Variants in GLB1L observed in about 807,000 individuals in gnomAD.
The protein encoded by GLB1L is galactosidase beta 1 like, also known as beta-galactosidase-1-like protein.
Under a neutral mutation model 75.7 loss-of-function variants are expected in GLB1L, and 58 were observed. That is an observed-to-expected ratio of 0.77 (90% CI 0.62 to 0.95). The LOEUF (loss-of-function observed/expected upper bound fraction) is 0.95, where lower values mean the gene tolerates loss of function less well. Ranked by LOEUF, GLB1L falls within the 40% of genes least tolerant of loss-of-function variation. The pLI, the probability that GLB1L is intolerant of heterozygous loss-of-function variation, is 0.00. For synonymous variants in GLB1L, 296 were observed against 303.0 expected (o/e 0.98, Z 0.24); for missense variants, 797 against 805.5 (o/e 0.99, Z 0.13).
chr2:219,242,860 G>T lies in GLB1L; in HGVS notation c.298C>A (p.Arg100=). 1 of 1,614,176 alleles carries T rather than the reference G, an allele frequency of 6.2e-7. No individual in the cohort carries two copies. Among genetic ancestry groups the T allele is most frequent in the Non-Finnish European group, 8.5e-7 (1 of 1,180,028 alleles). The part of the protein sequence containing the change: ...QPGVYNFNGS[R]DLIAFLNEAA... ...TCATTCAGAAAGGCAATGAGGTCCC[G>T]GCTGCCATTAAAGTTATAGACCCCA... Residue 100 remains arginine (R), a synonymous_variant, in exon 4 of 17, where the codon CGG becomes AGG. Transcript: ENST00000295759.
chr2:219,239,846 G>A lies in GLB1L; in HGVS notation c.722-13C>T, dbSNP rs985912258. On this transcript the variant is annotated splice_polypyrimidine_tract_variant and intron_variant, in intron 7 of 16. Coordinates refer to ENST00000295759, the MANE Select transcript of GLB1L (RefSeq NM_001286423.2). ...GTCATGTTGTCAGCTGCGGAAAGGA[G>A]GCAAAAGAAAAAGATAAATGTCGTG... 3.7e-6 allele frequency: 6 copies of A among 1,614,038 alleles called. No individual in the cohort carries two copies. Among genetic ancestry groups the A allele is most frequent in the Non-Finnish European group, 5.1e-6 (6 of 1,180,046 alleles).
rs111835851 is a variant in GLB1L, at chr2:219,240,803, G to A, written c.452-518C>T. ...AGACTAAAATATAGAGGGGATGGCC[G>A]GGTGTGGTGGCTCACGCCTGTAATC... is the stretch of plus-strand genomic sequence containing the variant. On this transcript the variant is annotated intron_variant, in intron 5 of 16. Coordinates refer to ENST00000295759, the MANE Select transcript of GLB1L (RefSeq NM_001286423.2). 5.4e-3 allele frequency among the ~76,000 whole-genome samples: 827 copies of A among 151,882 alleles called. 11 individuals are homozygous for A. The highest frequency in any genetic ancestry group is 0.019 in the African/African-American group (771 of 41,250).
intron 5 of GLB1L, among the ~76,000 whole-genome samples, chr2:219,241,837 A>C (rs1951401784): frequency 6.6e-6 from 1 of 152,128 alleles, no homozygotes; most frequent in Non-Finnish European, 1.5e-5. Flanking sequence ...CTCTACTGAG[A>C]ACAGATTGTA....
At chr2:219,243,406 T>A in intron 2 of GLB1L, 92 bp from the exon 3 acceptor site, 3 of 1,594,156 alleles carry the variant, frequency 1.9e-6, no homozygotes. Flanking sequence ...GAACTAGCCC[T>A]GCGGGTTGTT....
At chr2:219,241,459 T>TAC (rs1951391520) in intron 5 of GLB1L, among the ~76,000 whole-genome samples, 1 of 140,280 alleles carries the variant, frequency 7.1e-6, no homozygotes, top group Non-Finnish European at 1.5e-5. Flanking sequence ...TATATATATA[T>TAC]ATATATACAT....
At chr2:219,242,988 G>T in intron 3 of GLB1L, 70 bp from the exon 4 acceptor site, 1 of 1,593,810 alleles carries the variant, frequency 6.3e-7, no homozygotes, top group South Asian at 1.1e-5. Context: ...CTCAGGCCTT[G>T]CAGGGAATCT....
At chr2:219,237,982 G>A in intron 14 of GLB1L, 25 bp from the exon 15 acceptor site, 1 of 1,612,674 alleles carries the variant, frequency 6.2e-7, no homozygotes, top group Non-Finnish European at 8.5e-7. Flanking sequence ...TAGGATAGGA[G>A]CAAGGCTCAG....
chr2:219,243,738 T>A, intron 1 of GLB1L, 95 bp from the exon 2 acceptor site: 1 of 632,906 alleles, frequency 1.6e-6, no homozygotes, highest in Non-Finnish European at 2.8e-6. Context: ...CTCTACTAGT[T>A]TGTAAAATTT....
chr2:219,238,325 A>G lies in GLB1L; in HGVS notation c.1266T>C (p.His422=), dbSNP rs913416598. ...GFMLYRTYMT[H]TIFEPTPFWV... ...AGAATGGTGTTGGCTCAAAAATGGT[A>G]TGGGTCATATAGGTTCGGTACAACA... is the stretch of plus-strand genomic sequence containing the variant. Residue 422 remains histidine, a synonymous_variant, in exon 14 of 17, where the codon CAT becomes CAC. Transcript: ENST00000295759. 8.1e-6 allele frequency: 13 copies of G among 1,612,870 alleles called. No homozygotes were observed. Among genetic ancestry groups the G allele is most frequent in the Non-Finnish European group, 1.1e-5 (13 of 1,179,308 alleles).
chr2:219,237,145 T>G lies in GLB1L; in HGVS notation c.1892A>C (p.His631Pro), dbSNP rs1951267381. The change falls in exon 17 of 17, where the codon CAC (histidine) becomes CCC (proline). Residue 631 changes from histidine to proline, a missense_variant. Physicochemically the swap from His to Pro is moderately conservative, Grantham distance 77. Transcript: ENST00000295759. ...TGAAAGGGAATTGATATGTGTCCTG[T>G]GCAAAGTACTAGTGCTATTGAGGAT... ...KPILNSTSTL[H>P]RTHINSLSAD... 6.2e-7 allele frequency: 1 copy of G among 1,614,136 alleles called. No individual in the cohort carries two copies. The highest frequency in any genetic ancestry group is 8.5e-7 in the Non-Finnish European group (1 of 1,179,984).
Position 219,242,592 on chromosome 2 carries a change from A to C in GLB1L, c.391-18T>G. On this transcript the variant is annotated intron_variant, in intron 4 of 16. Transcript: ENST00000295759. ...AGACCCCCCTGAGACAAACATAAAG[A>C]GAACAAAGAAGCATGTAGGTTTTGT... 1 of 1,609,676 alleles carries C rather than the reference A, an allele frequency of 6.2e-7. No individual in the cohort carries two copies. Among genetic ancestry groups the C allele is most frequent in the Non-Finnish European group, 8.5e-7 (1 of 1,176,270 alleles).
In GLB1L at chr2:219,243,654, A is replaced by G. The variant is rs1951455660; in HGVS notation, c.-70-11T>C. The stretch of plus-strand genomic sequence containing the variant: ...TTCCTGGGAGGGAACCTCAGCGAGC[A>G]AGGGGGCGGAAACCACCTCAAGTTG... On this transcript the variant is annotated splice_polypyrimidine_tract_variant and intron_variant, in intron 1 of 16. Transcript: ENST00000295759. 1.4e-6 allele frequency: 2 copies of G among 1,441,270 alleles called. No homozygotes were observed. Among genetic ancestry groups the G allele is most frequent in the South Asian group, 1.2e-5 (1 of 86,430 alleles). 89.3% of individuals were successfully genotyped at this position (1,441,270 alleles called of 1,614,324 possible).
rs769025641 is a variant in GLB1L at position 219,237,184 on chromosome 2, A to T, written c.1853T>A (p.Phe618Tyr). 4 of 1,614,198 alleles carry T rather than the reference A, an allele frequency of 2.5e-6. No homozygotes were observed. The highest frequency in any genetic ancestry group is 2.2e-5 in the South Asian group (2 of 91,084). Reference protein sequence around the residue: ...EDVPLQPQVQFLDKPILNSTS... With the variant: ...EDVPLQPQVQYLDKPILNSTS... ...GCTATTGAGGATAGGCTTATCCAAAAATTGGACTTGGGGCTGGAGAGGTAC... is the reference window on the plus strand; with the variant it reads ...GCTATTGAGGATAGGCTTATCCAAATATTGGACTTGGGGCTGGAGAGGTAC... Residue 618 changes from phenylalanine (F) to tyrosine (Y), a missense_variant, in exon 17 of 17, where the codon TTT (phenylalanine) becomes TAT (tyrosine). Transcript: ENST00000295759.
In GLB1L at chr2:219,238,532, T is replaced by C. The variant is rs1163925851; in HGVS notation, c.1190A>G (p.His397Arg). Residue 397 changes from histidine (H) to arginine (R), a missense_variant, in exon 13 of 17, where the codon CAT becomes CGT. Coordinates refer to ENST00000295759, the MANE Select transcript of GLB1L (RefSeq NM_001286423.2). ...LDLLCPRGPIHSILPMTFEAV... is the reference protein window; with the variant it reads ...LDLLCPRGPIRSILPMTFEAV... Reference sequence around the variant, plus strand: ...CTCAAAGGTCATTGGCAAGATTGAATGAATGGGCCCACGGGGGCAAAGCAA... The same window carrying C: ...CTCAAAGGTCATTGGCAAGATTGAACGAATGGGCCCACGGGGGCAAAGCAA... The C allele has an allele frequency of 6.2e-7, 1 of 1,614,122 alleles. No individual in the cohort carries two copies. The highest frequency in any genetic ancestry group is 1.1e-5 in the South Asian group (1 of 91,078).
rs1951347216 is a variant in GLB1L at position 219,239,989 on chromosome 2, T to G, written c.652A>C (p.Thr218Pro). 1.2e-6 allele frequency: 2 copies of G among 1,613,978 alleles called. No individual in the cohort carries two copies. The highest frequency in any genetic ancestry group is 2.2e-5 in the South Asian group (2 of 91,094). Residue 218 changes from threonine (T) to proline (P), a missense_variant, in exon 7 of 17, where the codon ACA becomes CCA. Transcript: ENST00000295759. ...CACTTGAGTCCTTCAGGCCCATCTGTGGTGAAGAGCAAGATCTTTTCTCCT... is the reference window on the plus strand; with the variant it reads ...CACTTGAGTCCTTCAGGCCCATCTGGGGTGAAGAGCAAGATCTTTTCTCCT... Reference protein sequence around the residue: ...LLGEKILLFTTDGPEGLKCGS... With the variant: ...LLGEKILLFTPDGPEGLKCGS...
Position 219,237,567 on chromosome 2 carries a change from A to G in GLB1L, c.1634T>C (p.Phe545Ser). 6.2e-7 allele frequency: 1 copy of G among 1,614,146 alleles called. No individual in the cohort carries two copies. Among genetic ancestry groups the G allele is most frequent in the South Asian group, 1.1e-5 (1 of 91,080 alleles). ...PSGPTFYSKTFPILGSVGDTF... is the reference protein window; with the variant it reads ...PSGPTFYSKTSPILGSVGDTF... ...GTCCCCAACTGAGCCTAAAATTGGA[A>G]ATGTTTTGGAGTAGAATGTGGGGCC... The change falls in exon 16 of 17, where the codon TTT (phenylalanine) becomes TCT (serine). Residue 545 changes from phenylalanine (F) to serine (S), a missense_variant. Physicochemically the swap from Phe to Ser is radical, Grantham distance 155. Coordinates refer to ENST00000295759, the MANE Select transcript of GLB1L (RefSeq NM_001286423.2).
Position 219,237,348 on chromosome 2 carries a change from C to G in GLB1L, c.1690-1G>C. On this transcript the variant is annotated splice_acceptor_variant, in intron 16 of 16. Transcript: ENST00000295759. LOFTEE classifies it high-confidence loss of function. Reference sequence around the variant, plus strand: ...TAAACCCATTGATCCAGACTTGGCCCTGGGGAATAGGGAGCAGGAAAGAGG... The same window carrying G: ...TAAACCCATTGATCCAGACTTGGCCGTGGGGAATAGGGAGCAGGAAAGAGG... 2 of 1,612,614 alleles carry G rather than the reference C, an allele frequency of 1.2e-6. No homozygotes were observed. The highest frequency in any genetic ancestry group is 4.5e-5 in the East Asian group (2 of 44,854).
intron 14 of GLB1L, 91 bp from the exon 15 acceptor site, chr2:219,238,048 G>A: frequency 7.4e-7 from 1 of 1,346,912 alleles, no homozygotes; most frequent in Non-Finnish European, 1.0e-6. Flanking sequence ...TTATTTGGAG[G>A]GCAGAGAGAA....
At chr2:219,243,706 C>G in intron 1 of GLB1L, 63 bp from the exon 2 acceptor site, 1 of 791,836 alleles carries the variant, frequency 1.3e-6, no homozygotes, top group Non-Finnish European at 2.1e-6. Flanking sequence ...GACTTCCTCT[C>G]CAGCCTGCAG....
Sources: gnomAD v4.1 joint callset for allele counts (sites outside exome capture counted in the v4.1 genomes callset) on GRCh38, gnomAD v4.1.1 for gene constraint, MANE v1.5 for transcripts, NCBI Gene and HGNC (gene_info 2026-07-23, HGNC 2026-07-21) for gene names.